Variants in KIAA1328 observed in about 807,000 individuals in gnomAD.
KIAA1328 encodes protein hinderin.
A neutral mutation model predicts 68.1 loss-of-function variants in KIAA1328; 52 were observed. The observed-to-expected ratio is 0.76, with a 90% CI of 0.61 to 0.96. The LOEUF is 0.96. Among genes scored for constraint, KIAA1328 ranks in the 40% least tolerant of loss-of-function variants. KIAA1328 has a pLI of 0.00. For missense variants in KIAA1328, 641 were observed against 677.6 expected, an observed-to-expected ratio of 0.95 and a Z score of 0.60; for synonymous variants, 232 against 239.4, an observed-to-expected ratio of 0.97 and a Z score of 0.28.
chr18:37,112,692 G>A (rs540426558), intron 7 of KIAA1328, among the ~76,000 whole-genome samples: 55 of 152,082 alleles, frequency 3.6e-4, no homozygotes, highest in South Asian at 2.3e-3. Context: ...TCAGAAGATC[G>A]GTAATAACAA....
At chr18:36,854,971 A>G (rs368118629) in intron 4 of KIAA1328, among the ~76,000 whole-genome samples, 169 of 152,246 alleles carry the variant, frequency 1.1e-3, no homozygotes, top group Middle Eastern at 6.8e-3. Context: ...CTATGTTGTA[A>G]TGTGTAGCAA....
At chr18:36,874,304 A>G (rs534918830) in intron 4 of KIAA1328, among the ~76,000 whole-genome samples, 11 of 152,264 alleles carry the variant, frequency 7.2e-5, no homozygotes, top group South Asian at 2.1e-4. Context: ...ACTCCCACCA[A>G]TGGTGTAAAA....
At chr18:37,187,304 A>T (rs527720109) in intron 9 of KIAA1328, among the ~76,000 whole-genome samples, 2 of 152,256 alleles carry the variant, frequency 1.3e-5, no homozygotes, top group South Asian at 2.1e-4. Flanking sequence ...GTTTCTTCCG[A>T]TGGGAAAGCT....
chr18:37,050,151 G>GTGAA (rs2055633146), intron 6 of KIAA1328, among the ~76,000 whole-genome samples: 1 of 152,092 alleles, frequency 6.6e-6, no homozygotes, highest in Non-Finnish European at 1.5e-5. Flanking sequence ...AAAGAGGTCA[G>GTGAA]TGAATGGTCC....
intron 9 of KIAA1328, among the ~76,000 whole-genome samples, chr18:37,187,896 C>A (rs1367339357): frequency 1.3e-5 from 2 of 152,130 alleles, no homozygotes; most frequent in Non-Finnish European, 2.9e-5. Flanking sequence ...CTGGTGTAAC[C>A]TAATGAAGTC....
intron 7 of KIAA1328, among the ~76,000 whole-genome samples, chr18:37,098,535 CT>C (rs997250525): frequency 1.7e-4 from 26 of 152,020 alleles, no homozygotes; most frequent in African/African-American, 6.3e-4. Context: ...CTAAAATTCT[CT>C]TTTTTTGTTG....
chr18:36,836,017 A>T (rs2046661224), intron 3 of KIAA1328, among the ~76,000 whole-genome samples: 1 of 152,172 alleles, frequency 6.6e-6, no homozygotes, highest in Admixed American at 6.5e-5. Context: ...ATTGTTTTAC[A>T]TAATTGTCTA....
At chr18:36,861,099 C>G (rs1313992960) in intron 4 of KIAA1328, among the ~76,000 whole-genome samples, 1 of 152,022 alleles carries the variant, frequency 6.6e-6, no homozygotes, top group Non-Finnish European at 1.5e-5. Context: ...GTTCTAGTAT[C>G]CTGTTTTACA....
intron 7 of KIAA1328, among the ~76,000 whole-genome samples, chr18:37,126,831 A>G (rs1015578674): frequency 6.6e-6 from 1 of 152,186 alleles, no homozygotes; most frequent in Non-Finnish European, 1.5e-5. Flanking sequence ...TCATCAGGCT[A>G]GAAGAGAAAA....
intron 6 of KIAA1328, among the ~76,000 whole-genome samples, chr18:37,061,109 C>T (rs185963193): frequency 5.3e-5 from 8 of 151,314 alleles, no homozygotes; most frequent in Admixed American, 6.6e-5. Flanking sequence ...AGCAAGACTC[C>T]GTCTCAAAAA....
chr18:36,883,967 T>TATATATATATATAC (rs1429832565), intron 4 of KIAA1328, among the ~76,000 whole-genome samples: 1 of 149,304 alleles, frequency 6.7e-6, no homozygotes, highest in African/African-American at 2.5e-5. Flanking sequence ...TATATATATA[T>TATATATATATATAC]ATACACACAC....
intron 8 of KIAA1328, among the ~76,000 whole-genome samples, chr18:37,161,510 C>T (rs535555767): frequency 6.6e-6 from 1 of 152,368 alleles, no homozygotes; most frequent in South Asian, 2.1e-4. Flanking sequence ...GTTTTGTAGA[C>T]TTCCATTGTT....
chr18:37,216,204 C>T (rs2060428473), intron 9 of KIAA1328, among the ~76,000 whole-genome samples: 1 of 152,056 alleles, frequency 6.6e-6, no homozygotes. Context: ...AATTTGTTTG[C>T]TCTTGCTTTT....
intron 7 of KIAA1328, among the ~76,000 whole-genome samples, chr18:37,087,692 C>T (rs2057146810): frequency 6.6e-6 from 1 of 152,144 alleles, no homozygotes; most frequent in South Asian, 2.1e-4. Flanking sequence ...TTGCTACTAT[C>T]CATAGATTTT....
chr18:36,880,410 C>T (rs1405505675), intron 4 of KIAA1328, among the ~76,000 whole-genome samples: 1 of 152,148 alleles, frequency 6.6e-6, no homozygotes, highest in Non-Finnish European at 1.5e-5. Flanking sequence ...GCAGAAATCC[C>T]CCACCTTCTG....
At chr18:36,914,962 A>T (rs1006368712) in intron 5 of KIAA1328, among the ~76,000 whole-genome samples, 2 of 152,368 alleles carry the variant, frequency 1.3e-5, no homozygotes, top group Admixed American at 6.5e-5. Context: ...CATAGTGAAG[A>T]TGTTAATTAT....
chr18:37,217,863 G>A (rs1026633777), intron 9 of KIAA1328, among the ~76,000 whole-genome samples: 1 of 152,088 alleles, frequency 6.6e-6, no homozygotes, highest in African/African-American at 2.4e-5. Context: ...GGCTTTGTTC[G>A]TTTCTTTTTA....
intron 6 of KIAA1328, among the ~76,000 whole-genome samples, chr18:37,033,672 A>T (rs191028192): frequency 1.3e-5 from 2 of 152,294 alleles, no homozygotes; most frequent in African/African-American, 4.8e-5. Flanking sequence ...AGCAAAACTC[A>T]AGAAGGCTTC....
rs1382930175 is a variant in KIAA1328 at position 37,223,063 on chromosome 18, C to G, written c.*836C>G. 5 of 680,454 alleles carry G rather than the reference C, an allele frequency of 7.3e-6. No homozygotes were observed. Among genetic ancestry groups the G allele is most frequent in the Non-Finnish European group, 8.9e-6 (5 of 561,418 alleles). The allele number at this position is 680,454 out of a possible 1,614,324, so 42.2% of individuals were successfully genotyped here. A position where few individuals can be genotyped will look rare whatever the true frequency, so the allele number is the denominator to read the frequency against. ...AGCTTATTCACCCCACCCCCCCACC[C>G]CCCATCACACGTGCTCCTGTGAACT... On this transcript the variant is annotated 3_prime_UTR_variant, in exon 10 of 10. Transcript: ENST00000280020.
Sources: allele counts gnomAD v4.1 joint callset (sites outside exome capture counted in the v4.1 genomes callset), GRCh38; gene constraint gnomAD v4.1.1; transcripts MANE v1.5; gene names NCBI Gene and HGNC (gene_info 2026-07-23, HGNC 2026-07-21).